Variants in CNTNAP2 observed in about 807,000 individuals in gnomAD.
CNTNAP2 encodes the protein contactin-associated protein-like 2.
A neutral mutation model predicts 155.2 loss-of-function variants in CNTNAP2; 98 were observed. The ratio of observed to expected loss-of-function variants is 0.63; its 90% CI spans 0.54 to 0.75. CNTNAP2 has a LOEUF of 0.75. Among genes scored for constraint, CNTNAP2 ranks in the 30% least tolerant of loss-of-function variants. The probability of loss-of-function intolerance (pLI) is 0.00; values close to 1 mark genes in which losing one functional copy is unlikely to be tolerated. For missense variants in CNTNAP2, 1,727 were observed against 1,688.1 expected (o/e 1.02, Z -0.40); for synonymous variants, 651 against 631.2 (o/e 1.03, Z -0.47).
chr7:148,031,345 C>T (rs1267604675), intron 15 of CNTNAP2, among the ~76,000 whole-genome samples: 1 of 152,174 alleles, frequency 6.6e-6, no homozygotes, highest in Non-Finnish European at 1.5e-5. Flanking sequence ...GGCCTAGAGT[C>T]AGGAAGAAAG....
intron 1 of CNTNAP2, among the ~76,000 whole-genome samples, chr7:146,483,570 T>C (rs1187626917): frequency 6.7e-6 from 1 of 150,166 alleles, no homozygotes; most frequent in Non-Finnish European, 1.5e-5. Flanking sequence ...AAAATTATGA[T>C]CTCAGTATGT....
At chr7:148,035,503 G>T (rs2116469301) in intron 15 of CNTNAP2, among the ~76,000 whole-genome samples, 1 of 152,278 alleles carries the variant, frequency 6.6e-6, no homozygotes, top group East Asian at 1.9e-4. Flanking sequence ...AGCTGGTGCT[G>T]GTGCTCCAGA....
At chr7:146,182,811 A>G (rs1798567404) in intron 1 of CNTNAP2, among the ~76,000 whole-genome samples, 1 of 152,082 alleles carries the variant, frequency 6.6e-6, no homozygotes, top group Admixed American at 6.6e-5. Flanking sequence ...TTGCTAACTC[A>G]TGTCTCTCTC....
intron 13 of CNTNAP2, among the ~76,000 whole-genome samples, chr7:147,766,513 G>T (rs1797386437): frequency 6.6e-6 from 1 of 152,002 alleles, no homozygotes; most frequent in South Asian, 2.1e-4. Context: ...TCCTCCTCTG[G>T]TATCCGTGAG....
intron 1 of CNTNAP2, among the ~76,000 whole-genome samples, chr7:146,755,668 CAAAT>C (rs1199819160): frequency 2.6e-5 from 4 of 151,860 alleles, no homozygotes; most frequent in Non-Finnish European, 4.4e-5. Flanking sequence ...TAATAGCAAA[CAAAT>C]AATTCAAACC....
intron 21 of CNTNAP2, among the ~76,000 whole-genome samples, chr7:148,344,588 G>C (rs1241755399): frequency 6.6e-6 from 1 of 152,134 alleles, no homozygotes; most frequent in Non-Finnish European, 1.5e-5. Flanking sequence ...ATCTAGGGAG[G>C]CATTTCACAG....
At chr7:147,452,541 C>T (rs1010859433) in intron 10 of CNTNAP2, among the ~76,000 whole-genome samples, 5 of 151,938 alleles carry the variant, frequency 3.3e-5, no homozygotes, top group African/African-American at 1.2e-4. Flanking sequence ...ATAAATCAGC[C>T]TGGTGTAGTA....
chr7:147,798,733 ATTT>A (rs1797940830), intron 13 of CNTNAP2, among the ~76,000 whole-genome samples: 1 of 152,162 alleles, frequency 6.6e-6, no homozygotes, highest in African/African-American at 2.4e-5. Context: ...ACCATGATTG[ATTT>A]AGACAAATCA....
chr7:146,274,994 G>C (rs554506513), intron 1 of CNTNAP2, among the ~76,000 whole-genome samples: 26 of 152,260 alleles, frequency 1.7e-4, no homozygotes, highest in African/African-American at 6.0e-4. Context: ...TTTGGCTTTT[G>C]GCACTTAATA....
At chr7:146,126,403 C>T (rs1344495985) in intron 1 of CNTNAP2, among the ~76,000 whole-genome samples, 1 of 152,152 alleles carries the variant, frequency 6.6e-6, no homozygotes, top group Non-Finnish European at 1.5e-5. Context: ...AGGAATGCAG[C>T]TCTTTCAATG....
At chr7:148,128,831 T>C (rs1804767796) in intron 16 of CNTNAP2, among the ~76,000 whole-genome samples, 1 of 152,102 alleles carries the variant, frequency 6.6e-6, no homozygotes, top group African/African-American at 2.4e-5. Flanking sequence ...GTTCTGCCTC[T>C]CTCCCACTAC....
At chr7:146,541,952 T>C (rs532322128) in intron 1 of CNTNAP2, among the ~76,000 whole-genome samples, 24 of 152,076 alleles carry the variant, frequency 1.6e-4, no homozygotes, top group African/African-American at 5.5e-4. Flanking sequence ...GGGATTGATA[T>C]AACAGAAAAT....
At chr7:148,128,496 C>T (rs1227450872) in intron 16 of CNTNAP2, among the ~76,000 whole-genome samples, 1 of 152,026 alleles carries the variant, frequency 6.6e-6, no homozygotes, top group African/African-American at 2.4e-5. Context: ...GAAATTTGTG[C>T]TATATTAAAG....
chr7:146,662,262 C>G (rs971815207), intron 1 of CNTNAP2, among the ~76,000 whole-genome samples: 1 of 152,046 alleles, frequency 6.6e-6, no homozygotes, highest in Non-Finnish European at 1.5e-5. Context: ...CTTCGCCACC[C>G]GAGTAGCTGG....
At chr7:147,968,097 T>A (rs192654586) in intron 14 of CNTNAP2, among the ~76,000 whole-genome samples, 1 of 152,346 alleles carries the variant, frequency 6.6e-6, no homozygotes, top group African/African-American at 2.4e-5. Flanking sequence ...GCCGGCCACT[T>A]TTATTTGAAT....
intron 14 of CNTNAP2, among the ~76,000 whole-genome samples, chr7:147,930,637 C>G (rs555722080): frequency 1.6e-4 from 25 of 152,292 alleles, no homozygotes; most frequent in Admixed American, 6.5e-4. Flanking sequence ...GCATATCCCA[C>G]TAAATAGCAG....
At chr7:146,389,913 C>T (rs560082478) in intron 1 of CNTNAP2, among the ~76,000 whole-genome samples, 1 of 151,940 alleles carries the variant, frequency 6.6e-6, no homozygotes, top group African/African-American at 2.4e-5. Flanking sequence ...GTTGGCCAGG[C>T]TGATCTCAAA....
chr7:146,481,823 G>A (rs1016087133), intron 1 of CNTNAP2, among the ~76,000 whole-genome samples: 10 of 152,088 alleles, frequency 6.6e-5, no homozygotes, highest in East Asian at 1.9e-4. Context: ...GTTGAGGGGC[G>A]TCTCCTGTAG....
At chr7:147,956,612 A>C (rs1295609044) in intron 14 of CNTNAP2, among the ~76,000 whole-genome samples, 1 of 152,160 alleles carries the variant, frequency 6.6e-6, no homozygotes, top group Non-Finnish European at 1.5e-5. Flanking sequence ...CTAGACCCTG[A>C]AATGACCATG....
Sources: gnomAD v4.1 joint callset for allele counts (sites outside exome capture counted in the v4.1 genomes callset) on GRCh38, gnomAD v4.1.1 for gene constraint, MANE v1.5 for transcripts, NCBI Gene and HGNC (gene_info 2026-07-23, HGNC 2026-07-21) for gene names.